Variants in UGGT1 observed in about 807,000 individuals in gnomAD.
UGGT1 encodes the protein UDP-glucose glycoprotein glucosyltransferase 1, also known as UDP-glucose:glycoprotein glucosyltransferase 1.
A neutral mutation model predicts 203.9 loss-of-function variants in UGGT1; 107 were observed. The observed-to-expected ratio is 0.52, with a 90% CI of 0.45 to 0.62. The LOEUF (loss-of-function observed/expected upper bound fraction) is 0.62. Ranked by LOEUF, UGGT1 falls within the 20% of genes least tolerant of loss-of-function variation. The pLI, the probability that UGGT1 is intolerant of heterozygous loss-of-function variation, is 0.00. For missense variants in UGGT1, 1,673 were observed against 1,867.2 expected, an observed-to-expected ratio of 0.90 and a Z score of 1.92; for synonymous variants, 628 against 653.5, an observed-to-expected ratio of 0.96 and a Z score of 0.59.
intron 19 of UGGT1, among the ~76,000 whole-genome samples, chr2:128,154,424 A>T (rs1428919160): frequency 6.6e-6 from 1 of 152,192 alleles, no homozygotes; most frequent in Non-Finnish European, 1.5e-5. Context: ...CTGTCAGCTG[A>T]ACATAGTGCA....
chr2:128,145,547 C>T (rs1354202184), intron 17 of UGGT1: 8 of 376,798 alleles, frequency 2.1e-5, no homozygotes, highest in Non-Finnish European at 3.9e-5. Context: ...CGTACACACA[C>T]ACGCACTTCA....
At chr2:128,136,583 G>A (rs972400851) in intron 15 of UGGT1, among the ~76,000 whole-genome samples, 24 of 152,184 alleles carry the variant, frequency 1.6e-4, no homozygotes, top group African/African-American at 5.8e-4. Context: ...TTATGTGGAT[G>A]TCCCCCCATT....
At chr2:128,154,531 T>C (rs1445417496) in intron 19 of UGGT1, among the ~76,000 whole-genome samples, 2 of 152,184 alleles carry the variant, frequency 1.3e-5, no homozygotes, top group African/African-American at 4.8e-5. Context: ...ACCTTTTTAG[T>C]AGGATACTAA....
rs1170779808 is a variant in UGGT1 at position 128,157,408 on chromosome 2, C to T, written c.2355+62C>T. ...TGGCTGTAGTTGTCTTCATGGGCTT[C>T]GCTGTGCGGCTAGGATTGTTCAGTG... On this transcript the variant is annotated intron_variant, in intron 22 of 40. Transcript: ENST00000259253. 50 of 1,366,870 alleles carry T rather than the reference C, an allele frequency of 3.7e-5. 2 individuals are homozygous for T. In the South Asian group the frequency reaches 4.7e-4, roughly 13 times the overall value. The allele number at this position is 1,366,870 out of a possible 1,614,324, so 84.7% of individuals were successfully genotyped here.
intron 38 of UGGT1, among the ~76,000 whole-genome samples, chr2:128,186,048 T>A (rs1691965363): frequency 6.6e-6 from 1 of 152,168 alleles, no homozygotes; most frequent in Non-Finnish European, 1.5e-5. Flanking sequence ...ACCACTCTAT[T>A]TAGTTGACTT....
chr2:128,123,815 T>A (rs1327531457), intron 11 of UGGT1, among the ~76,000 whole-genome samples: 1 of 152,204 alleles, frequency 6.6e-6, no homozygotes, highest in Non-Finnish European at 1.5e-5. Context: ...CTTTGTTGGA[T>A]CCTCTGTTGC....
At chr2:128,155,687 C>A in intron 20 of UGGT1, 100 bp downstream of exon 20, 1 of 862,840 alleles carries the variant, frequency 1.2e-6, no homozygotes, top group Non-Finnish European at 1.8e-6. Context: ...GGGAAAGAGA[C>A]TTCATAATTT....
At chr2:128,145,774 T>A (rs545098815) in intron 17 of UGGT1, 29 bp from the exon 18 acceptor site, 1 of 1,510,674 alleles carries the variant, frequency 6.6e-7, no homozygotes, top group African/African-American at 1.4e-5. Context: ...GGCAAAAATA[T>A]ACTGTTTTTG....
At position 128,173,911 on chromosome 2, in the gene UGGT1, T is replaced by C. The variant is rs765040837; in HGVS notation, c.3425T>C (p.Ile1142Thr). Residue 1142 changes from isoleucine (I) to threonine (T), a missense_variant, in exon 30 of 41, where the codon ATT (isoleucine) becomes ACT (threonine). Ile to Thr is a moderately conservative substitution (Grantham distance 89). Coordinates refer to ENST00000259253, the MANE Select transcript of UGGT1 (RefSeq NM_020120.4). ...TTAGGAACTTCAGCCAACCCGGTCA[T>C]TGTGGACACCATTGTTATGGCCAAT... ...FTLGTSANPV[I>T]VDTIVMANLG... 8.1e-6 allele frequency: 13 copies of C among 1,614,198 alleles called. No homozygotes were observed. The Admixed American group carries it at 2.0e-4, about 25-fold the overall frequency.
chr2:128,158,781 C>G (rs1243123469), intron 22 of UGGT1, among the ~76,000 whole-genome samples: 2 of 152,134 alleles, frequency 1.3e-5, no homozygotes, highest in East Asian at 1.9e-4. Flanking sequence ...GGATTCTTGT[C>G]TTTTCACCCA....
chr2:128,189,919 G>C lies in UGGT1; in HGVS notation c.*177G>C. On this transcript the variant is annotated 3_prime_UTR_variant, in exon 41 of 41. Transcript: ENST00000259253. ...ACTCTGGTGGCCACTGGATCTTTGG[G>C]ATTAAAGCTCTGTTGGATTTGTACC... 1 of 627,972 alleles carries C rather than the reference G, an allele frequency of 1.6e-6. No homozygotes were observed. Among genetic ancestry groups the C allele is most frequent in the Non-Finnish European group, 2.7e-6 (1 of 372,476 alleles). 38.9% of individuals were successfully genotyped at this position (627,972 alleles called of 1,614,324 possible). A position where few individuals can be genotyped will look rare whatever the true frequency, so the allele number is the denominator to read the frequency against.
chr2:128,160,034 A>G (rs1476061852), intron 23 of UGGT1, among the ~76,000 whole-genome samples: 1 of 152,118 alleles, frequency 6.6e-6, no homozygotes, highest in Non-Finnish European at 1.5e-5. Flanking sequence ...CAAGGCTTAT[A>G]TGTTCTTGAT....
intron 11 of UGGT1, among the ~76,000 whole-genome samples, chr2:128,126,229 A>G (rs1688593525): frequency 6.6e-6 from 1 of 151,510 alleles, no homozygotes; most frequent in Admixed American, 6.6e-5. Context: ...GGCATGAACC[A>G]TCATGCTTGA....
At chr2:128,176,428 A>AG (rs1017288441) in intron 31 of UGGT1, among the ~76,000 whole-genome samples, 3 of 151,618 alleles carry the variant, frequency 2.0e-5, no homozygotes, top group Non-Finnish European at 4.4e-5. Context: ...AAAAAAAAAA[A>AG]AAAGAGCGGA....
At chr2:128,185,252 T>A (rs1019407783) in intron 38 of UGGT1, among the ~76,000 whole-genome samples, 11 of 149,494 alleles carry the variant, frequency 7.4e-5, no homozygotes, top group Non-Finnish European at 4.4e-5. Flanking sequence ...CAGGCTGGAG[T>A]GCAGTGGCGT....
At chr2:128,147,972 C>T (rs537429358) in intron 18 of UGGT1, among the ~76,000 whole-genome samples, 15 of 152,122 alleles carry the variant, frequency 9.9e-5, no homozygotes, top group Non-Finnish European at 2.2e-4. Context: ...TAATGTGACA[C>T]TTCTTCACCG....
rs73955969 is a variant in UGGT1 at position 128,170,980 on chromosome 2, G to C, written c.3025-225G>C. On this transcript the variant is annotated intron_variant, in intron 27 of 40. Coordinates refer to ENST00000259253, the MANE Select transcript of UGGT1 (RefSeq NM_020120.4). Reference sequence around the variant, plus strand: ...CCCCACAGGAACTGCCTTCGTGTGAGGAGCAGTGAGCTGCAGCAGCCTACT... The same window carrying C: ...CCCCACAGGAACTGCCTTCGTGTGACGAGCAGTGAGCTGCAGCAGCCTACT... Among the ~76,000 whole-genome samples the C allele has an allele frequency of 4.1e-3, 627 of 152,292 alleles. 6 individuals are homozygous for C. Among genetic ancestry groups the C allele is most frequent in the African/African-American group, 0.013 (549 of 41,568 alleles).
At chr2:128,094,064 T>G in intron 1 of UGGT1, among the ~76,000 whole-genome samples, 1 of 152,168 alleles carries the variant, frequency 6.6e-6, no homozygotes, top group East Asian at 1.9e-4. Context: ...TCCTCCCCAC[T>G]CTACATGCCA....
rs529670202 is a variant in UGGT1, at chr2:128,160,681, G to C, written c.2694+90G>C. On this transcript the variant is annotated intron_variant, in intron 24 of 40. Coordinates refer to ENST00000259253, the MANE Select transcript of UGGT1 (RefSeq NM_020120.4). ...GAAGCTAGTAAACTCTTCAGACAGA[G>C]CCACTCTTTTTTCAAAGGTGATTGG... is the stretch of plus-strand genomic sequence containing the variant. 12 of 1,487,768 alleles carry C rather than the reference G, an allele frequency of 8.1e-6. No homozygotes were observed. In the African/African-American group the frequency reaches 1.7e-4, roughly 21 times the overall value. 92.2% of individuals were successfully genotyped at this position (1,487,768 alleles called of 1,614,324 possible). A position where few individuals can be genotyped will look rare whatever the true frequency, so the allele number is the denominator to read the frequency against.
Sources: gnomAD v4.1 joint callset for allele counts (sites outside exome capture counted in the v4.1 genomes callset) on GRCh38, gnomAD v4.1.1 for gene constraint, MANE v1.5 for transcripts, NCBI Gene and HGNC (gene_info 2026-07-23, HGNC 2026-07-21) for gene names.